TRMT11: variants seen among roughly 807,000 people sequenced by gnomAD.
TRMT11 encodes tRNA (guanine(10)-N(2))-methyltransferase TRMT11.
TRMT11 carries 53 observed loss-of-function variants against 62.8 expected under a neutral mutation model. The ratio of observed to expected loss-of-function variants is 0.84; its 90% CI spans 0.68 to 1.06. The LOEUF is 1.06. Among genes scored for constraint, TRMT11 ranks in the 50% least tolerant of loss-of-function variants. The pLI is 0.00. For synonymous variants in TRMT11, 188 were observed against 190.3 expected, an observed-to-expected ratio of 0.99 and a Z score of 0.10; for missense variants, 556 against 553.4, an observed-to-expected ratio of 1.00 and a Z score of -0.05.
chr6:126,131,957 A>G (rs1050107728), intron 21 of TRMT11, among the ~76,000 whole-genome samples: 1 of 152,044 alleles, frequency 6.6e-6, no homozygotes, highest in Non-Finnish European at 1.5e-5. Context: ...ACTTAATGGC[A>G]TAATGACTAG....
At chr6:126,239,031 C>A in the TRMT11 span, among the ~76,000 whole-genome samples, 1 of 151,912 alleles carries the variant, frequency 6.6e-6, no homozygotes, top group Non-Finnish European at 1.5e-5. Flanking sequence ...TAGGATTGCA[C>A]CCCCTTCCTT....
intron 21 of TRMT11, among the ~76,000 whole-genome samples, chr6:126,170,387 A>G (rs1778316917): frequency 6.6e-6 from 1 of 152,180 alleles, no homozygotes; most frequent in African/African-American, 2.4e-5. Flanking sequence ...AAATTTCCTT[A>G]TCACTTAGTT....
intron 21 of TRMT11, among the ~76,000 whole-genome samples, chr6:126,163,311 G>A (rs979206185): frequency 1.6e-4 from 24 of 152,182 alleles, no homozygotes; most frequent in African/African-American, 5.3e-4. Flanking sequence ...CATCTATTGA[G>A]ATAATCATGT....
intron 17 of TRMT11, among the ~76,000 whole-genome samples, chr6:126,107,099 C>T (rs1777473239): frequency 6.6e-6 from 1 of 152,072 alleles, no homozygotes; most frequent in Admixed American, 6.6e-5. Context: ...CAGAACCTCA[C>T]CATTTTGGAT....
chr6:126,269,779 G>T, the TRMT11 span, among the ~76,000 whole-genome samples: 1 of 152,112 alleles, frequency 6.6e-6, no homozygotes, highest in Non-Finnish European at 1.5e-5. Flanking sequence ...TGTTTTAAGA[G>T]AAAAAACCAA....
intron 3 of TRMT11, among the ~76,000 whole-genome samples, chr6:126,200,325 A>G (rs1215983434): frequency 1.3e-5 from 2 of 152,204 alleles, no homozygotes; most frequent in Non-Finnish European, 2.9e-5. Context: ...GGAAAGATAC[A>G]TTGGGTGCAA....
chr6:126,236,844 C>T, the TRMT11 span, among the ~76,000 whole-genome samples: 2 of 152,064 alleles, frequency 1.3e-5, no homozygotes, highest in Non-Finnish European at 2.9e-5. Context: ...ATTTGGGATA[C>T]CCACTTTCCT....
At chr6:126,075,759 G>A (rs1777003783) in intron 17 of TRMT11, among the ~76,000 whole-genome samples, 1 of 152,090 alleles carries the variant, frequency 6.6e-6, no homozygotes, top group Non-Finnish European at 1.5e-5. Flanking sequence ...AAATCCCCAA[G>A]TTTCCCACTC....
the TRMT11 span, among the ~76,000 whole-genome samples, chr6:126,213,896 C>T: frequency 6.6e-6 from 1 of 151,970 alleles, no homozygotes; most frequent in Admixed American, 6.6e-5. Flanking sequence ...TCATATATGG[C>T]TTTTATTGTG....
intron 21 of TRMT11, among the ~76,000 whole-genome samples, chr6:126,125,760 C>T (rs980151812): frequency 3.9e-5 from 6 of 151,926 alleles, no homozygotes; most frequent in African/African-American, 9.7e-5. Context: ...GGTGAGCCAG[C>T]GTAAGAGTGG....
At chr6:126,168,805 C>T (rs1778297221) in intron 21 of TRMT11, among the ~76,000 whole-genome samples, 1 of 152,212 alleles carries the variant, frequency 6.6e-6, no homozygotes, top group South Asian at 2.1e-4. Flanking sequence ...GTGCGAGCCA[C>T]CATGCCCTGC....
chr6:125,998,243 C>T lies in TRMT11; in HGVS notation c.315C>T (p.Asp105=). The T allele has an allele frequency of 1.2e-6, 2 of 1,600,800 alleles. No homozygotes were observed. Among genetic ancestry groups the T allele is most frequent in the Non-Finnish European group, 1.7e-6 (2 of 1,168,638 alleles). ...TTTAGGTTCCATTTCTACATTCGGA[C>T]TCTACATATAAAATAAAGATTCACA... ...VEKMVPFLHS[D]STYKIKIHTF... Residue 105 remains aspartate (D), a synonymous_variant, in exon 5 of 13, where the codon GAC becomes GAT. Coordinates refer to ENST00000334379, the MANE Select transcript of TRMT11 (RefSeq NM_001031712.3).
At chr6:126,048,976 C>T (rs1291991943) in intron 16 of TRMT11, among the ~76,000 whole-genome samples, 1 of 152,218 alleles carries the variant, frequency 6.6e-6, no homozygotes, top group African/African-American at 2.4e-5. Context: ...CTTTCTGGAC[C>T]ATTTGGTATG....
intron 17 of TRMT11, among the ~76,000 whole-genome samples, chr6:126,068,662 A>T (rs772748485): frequency 7.9e-5 from 12 of 152,166 alleles, no homozygotes; most frequent in Non-Finnish European, 1.6e-4. Flanking sequence ...TTGATATTTT[A>T]TATCTGTCTA....
At chr6:126,248,201 A>G in the TRMT11 span, among the ~76,000 whole-genome samples, 4 of 152,150 alleles carry the variant, frequency 2.6e-5, no homozygotes, top group Non-Finnish European at 5.9e-5. Flanking sequence ...AGACTTGCTT[A>G]TGTAATTTAT....
At chr6:126,222,005 G>T in the TRMT11 span, among the ~76,000 whole-genome samples, 8 of 152,138 alleles carry the variant, frequency 5.3e-5, no homozygotes, top group South Asian at 1.7e-3. Context: ...AAAGGAAAGG[G>T]TCCAGTATCA....
intron 21 of TRMT11, among the ~76,000 whole-genome samples, chr6:126,142,881 A>G (rs1777933714): frequency 6.6e-6 from 1 of 152,070 alleles, no homozygotes; most frequent in East Asian, 1.9e-4. Context: ...CTGTAGAATG[A>G]GAAGAAGTAT....
chr6:126,239,950 C>A, the TRMT11 span, among the ~76,000 whole-genome samples: 3 of 152,112 alleles, frequency 2.0e-5, no homozygotes, highest in Non-Finnish European at 4.4e-5. Flanking sequence ...TGCTTCATTT[C>A]ATTCATTTGA....
chr6:126,147,961 G>A (rs550496225), intron 21 of TRMT11, among the ~76,000 whole-genome samples: 2 of 152,072 alleles, frequency 1.3e-5, no homozygotes, highest in East Asian at 3.9e-4. Flanking sequence ...ACGGGTTGAC[G>A]GGTGCAGCAA....
Sources: gnomAD v4.1 joint callset for allele counts (sites outside exome capture counted in the v4.1 genomes callset) on GRCh38, gnomAD v4.1.1 for gene constraint, MANE v1.5 for transcripts, NCBI Gene and HGNC (gene_info 2026-07-23, HGNC 2026-07-21) for gene names.